FAM227B: variants seen among roughly 807,000 people sequenced by gnomAD.
FAM227B encodes family with sequence similarity 227 member B.
In FAM227B, 88 loss-of-function variants were observed where a neutral mutation model predicts 73.8. The ratio of observed to expected loss-of-function variants is 1.19; its 90% confidence interval spans 1.00 to 1.42. The LOEUF is 1.42. Among genes scored for constraint, FAM227B ranks in the 40% most tolerant of loss-of-function variants. The probability of loss-of-function intolerance (pLI) is 0.00; values close to 1 mark genes in which losing one functional copy is unlikely to be tolerated. For missense variants in FAM227B, 632 were observed against 590.9 expected (o/e 1.07, Z -0.72); for synonymous variants, 210 against 190.5 (o/e 1.10, Z -0.84).
At chr15:49,617,028 A>ATTAGTCTTTATTAGTCCCTTATTTAC (rs1354922833) in intron 1 of FAM227B, among the ~76,000 whole-genome samples, 2 of 152,062 alleles carry the variant, frequency 1.3e-5, no homozygotes, top group Non-Finnish European at 1.5e-5. Flanking sequence ...ATTTATTCTT[A>ATTAGTCTTTATTAGTCCCTTATTTAC]TCTTTATTAG....
At chr15:49,535,070 A>G (rs2060908168) in intron 10 of FAM227B, among the ~76,000 whole-genome samples, 2 of 151,820 alleles carry the variant, frequency 1.3e-5, no homozygotes, top group South Asian at 4.1e-4. Flanking sequence ...AGCAGAAGGA[A>G]GGAAATAACA....
chr15:49,405,879 T>TA (rs1222797584), intron 11 of FAM227B, among the ~76,000 whole-genome samples: 7 of 152,308 alleles, frequency 4.6e-5, no homozygotes, highest in African/African-American at 1.7e-4. Flanking sequence ...TTTGTGGGCT[T>TA]ATGTTCCTTC....
intron 11 of FAM227B, among the ~76,000 whole-genome samples, chr15:49,458,818 T>G (rs1164343646): frequency 6.6e-6 from 1 of 152,172 alleles, no homozygotes; most frequent in Non-Finnish European, 1.5e-5. Context: ...AAATAAGTCT[T>G]GCAGATGAAT....
chr15:49,551,942 T>A (rs1030069004), intron 9 of FAM227B, among the ~76,000 whole-genome samples: 1 of 152,228 alleles, frequency 6.6e-6, no homozygotes, highest in Admixed American at 6.5e-5. Flanking sequence ...TATTATGTCT[T>A]AAAAAGTTGT....
chr15:49,482,958 A>C (rs894366832), intron 11 of FAM227B, among the ~76,000 whole-genome samples: 2 of 152,098 alleles, frequency 1.3e-5, no homozygotes, highest in African/African-American at 4.8e-5. Context: ...ATCGGTTTGC[A>C]CTTCCCTTAT....
intron 5 of FAM227B, among the ~76,000 whole-genome samples, chr15:49,587,566 T>C (rs754899703): frequency 6.6e-6 from 1 of 152,174 alleles, no homozygotes; most frequent in Non-Finnish European, 1.5e-5. Context: ...TCTAACATTA[T>C]ATAATTTTAG....
chr15:49,368,596 C>T (rs2045544861), intron 12 of FAM227B, among the ~76,000 whole-genome samples: 1 of 152,130 alleles, frequency 6.6e-6, no homozygotes, highest in South Asian at 2.1e-4. Flanking sequence ...ATGTAAATCA[C>T]TCCTTCATTT....
At chr15:49,512,549 T>C (rs2059082462) in intron 10 of FAM227B, among the ~76,000 whole-genome samples, 1 of 152,108 alleles carries the variant, frequency 6.6e-6, no homozygotes, top group African/African-American at 2.4e-5. Flanking sequence ...AATTCTTCGA[T>C]AAGGTGCCTA....
chr15:49,510,364 T>TTA (rs1163502244), intron 10 of FAM227B, among the ~76,000 whole-genome samples: 4 of 152,172 alleles, frequency 2.6e-5, no homozygotes, highest in African/African-American at 9.7e-5. Flanking sequence ...ATGAATCTGC[T>TTA]ATACTTATTT....
chr15:49,589,736 G>C, intron 4 of FAM227B, 40 bp downstream of exon 4: 1 of 1,236,306 alleles, frequency 8.1e-7, no homozygotes, highest in Non-Finnish European at 1.2e-6. Context: ...AACATAGTGA[G>C]ACTCCATTTC....
Position 49,375,471 on chromosome 15 carries a change from C to T in FAM227B, c.1013-4072G>A, listed in dbSNP as rs116630768. On this transcript the variant is annotated intron_variant, in intron 11 of 15. Transcript: ENST00000299338. Reference sequence around the variant, plus strand: ...TCATTGCTCAGGCAAGTTATAGATGCAAGACACAAGTTATTATTTTTAAAG... The same window carrying T: ...TCATTGCTCAGGCAAGTTATAGATGTAAGACACAAGTTATTATTTTTAAAG... Among the ~76,000 whole-genome samples the T allele has an allele frequency of 6.4e-3, 962 of 151,280 alleles. 14 individuals carry two copies. Among genetic ancestry groups the T allele is most frequent in the African/African-American group, 0.022 (907 of 41,174 alleles).
chr15:49,409,087 T>TA (rs2048708828), intron 11 of FAM227B, among the ~76,000 whole-genome samples: 1 of 152,204 alleles, frequency 6.6e-6, no homozygotes, highest in Admixed American at 6.5e-5. Context: ...TATGTATGAT[T>TA]AAAGATTGAG....
At chr15:49,475,805 T>C (rs919949118) in intron 11 of FAM227B, among the ~76,000 whole-genome samples, 2 of 152,082 alleles carry the variant, frequency 1.3e-5, no homozygotes, top group Non-Finnish European at 2.9e-5. Context: ...CTGGCCAACA[T>C]GGCAAAACCG....
chr15:49,493,940 T>C (rs2057358832), intron 11 of FAM227B, among the ~76,000 whole-genome samples: 1 of 151,744 alleles, frequency 6.6e-6, no homozygotes. Context: ...TCAGGCACTG[T>C]AATAGTGTTA....
At chr15:49,418,931 T>G (rs1260491039) in intron 11 of FAM227B, among the ~76,000 whole-genome samples, 1 of 152,142 alleles carries the variant, frequency 6.6e-6, no homozygotes, top group Non-Finnish European at 1.5e-5. Context: ...TTAACTTCAG[T>G]TATTCTAGGG....
chr15:49,440,958 C>T (rs1392523655), intron 11 of FAM227B, among the ~76,000 whole-genome samples: 1 of 151,784 alleles, frequency 6.6e-6, no homozygotes, highest in African/African-American at 2.4e-5. Flanking sequence ...AACAAGAAAA[C>T]TCAACCTGCT....
At position 49,489,839 on chromosome 15, in the gene FAM227B, T is replaced by TA. The variant is rs1491513471; in HGVS notation, c.1012+18371_1012+18372insT. On this transcript the variant is annotated intron_variant, in intron 11 of 15. Coordinates refer to ENST00000299338, the MANE Select transcript of FAM227B (RefSeq NM_152647.3). ...TATATATTTTATATATATATATATA[T>TA]TTTATATATATATATATATTTTATA... Among the ~76,000 whole-genome samples the TA allele has an allele frequency of 7.5e-4, 19 of 25,436 alleles. 2 individuals carry two copies. The highest frequency in any genetic ancestry group is 6.1e-3 in the Admixed American group (7 of 1,152). The allele number at this position is 25,436 out of a possible 152,430, so 16.7% of individuals were successfully genotyped here.
chr15:49,354,680 C>CT (rs1001553722), intron 13 of FAM227B, among the ~76,000 whole-genome samples: 33 of 152,234 alleles, frequency 2.2e-4, no homozygotes, highest in African/African-American at 7.7e-4. Flanking sequence ...CCCGCCATTG[C>CT]CCAGGCTTGA....
intron 11 of FAM227B, among the ~76,000 whole-genome samples, chr15:49,419,323 G>A (rs1486933578): frequency 6.6e-6 from 1 of 152,146 alleles, no homozygotes; most frequent in Non-Finnish European, 1.5e-5. Flanking sequence ...GCTTCCCTGG[G>A]CTGCTTCTCA....
Sources: allele counts gnomAD v4.1 joint callset (sites outside exome capture counted in the v4.1 genomes callset), GRCh38; gene constraint gnomAD v4.1.1; transcripts MANE v1.5; gene names NCBI Gene and HGNC (gene_info 2026-07-23, HGNC 2026-07-21).